The following ATE1 variants were observed in gnomAD, a reference collection of about 807,000 sequenced individuals.
The protein encoded by ATE1 is arginyltransferase 1.
In ATE1, 36 loss-of-function variants were observed where a neutral mutation model predicts 70.5. That is an observed-to-expected ratio of 0.51 (90% CI 0.39 to 0.67). The LOEUF is 0.67. Ranked by LOEUF, ATE1 falls within the 30% of genes least tolerant of loss-of-function variation. The pLI, the probability that ATE1 is intolerant of heterozygous loss-of-function variation, is 0.00. For synonymous variants in ATE1, 232 were observed against 219.3 expected, an observed-to-expected ratio of 1.06 and a Z score of -0.51; for missense variants, 593 against 629.5, an observed-to-expected ratio of 0.94 and a Z score of 0.62.
chr10:121,883,044 A>C (rs1240173662), intron 7 of ATE1, among the ~76,000 whole-genome samples: 2 of 152,318 alleles, frequency 1.3e-5, no homozygotes, highest in East Asian at 3.9e-4. Flanking sequence ...TTATATTCCC[A>C]ACTTACAGAA....
intron 1 of ATE1, chr10:121,927,105 C>G (rs1244370343): frequency 1.0e-6 from 1 of 985,158 alleles, no homozygotes; most frequent in East Asian, 1.1e-4. Context: ...AAATGCATGG[C>G]AAGAGAGGAA....
chr10:121,808,536 C>T (rs7095546), intron 10 of ATE1, among the ~76,000 whole-genome samples: 138,087 of 152,268 alleles, frequency 0.91, 62,815 homozygotes, highest in Middle Eastern at 0.98. Context: ...TCTCAAACTC[C>T]ACTCATATGC....
rs1045895872 is a variant in ATE1 at position 121,903,095 on chromosome 10, T to G, written c.584-475A>C. On this transcript the variant is annotated intron_variant, in intron 5 of 11. Coordinates refer to ENST00000224652, the MANE Select transcript of ATE1 (RefSeq NM_001001976.3). ...TGGCCAGACTGGTCTCAAACTCCCT[T>G]GGACAGACTGGTCTCAAACTCCTGA... Among the ~76,000 whole-genome samples the G allele has an allele frequency of 6.6e-5, 10 of 151,796 alleles. No individual in the cohort carries two copies. The Middle Eastern group carries it at 0.01, about 157-fold the overall frequency.
chr10:121,920,971 G>GCGA, intron 3 of ATE1, among the ~76,000 whole-genome samples: 1 of 151,518 alleles, frequency 6.6e-6, no homozygotes, highest in East Asian at 1.9e-4. Flanking sequence ...TCCAGCCCAG[G>GCGA]CGACAGTGCG....
intron 10 of ATE1, among the ~76,000 whole-genome samples, chr10:121,827,799 C>T (rs954096835): frequency 6.6e-6 from 1 of 152,140 alleles, no homozygotes; most frequent in Non-Finnish European, 1.5e-5. Flanking sequence ...GTAATGACTA[C>T]AGAATATATG....
intron 11 of ATE1, among the ~76,000 whole-genome samples, chr10:121,777,441 G>A (rs1945794178): frequency 6.7e-6 from 1 of 148,832 alleles, no homozygotes; most frequent in Non-Finnish European, 1.5e-5. Flanking sequence ...ATTCCATCAA[G>A]TTCGAATCTC....
chr10:121,890,553 T>C (rs929469438), intron 7 of ATE1, among the ~76,000 whole-genome samples: 1 of 152,214 alleles, frequency 6.6e-6, no homozygotes, highest in Non-Finnish European at 1.5e-5. Context: ...ATAATGTTGA[T>C]AATAAAATTT....
Position 121,907,021 on chromosome 10 carries a change from TTA to T in ATE1, c.583+3883_583+3884del, listed in dbSNP as rs1951223486. On this transcript the variant is annotated intron_variant, in intron 5 of 11. Coordinates refer to ENST00000224652, the MANE Select transcript of ATE1 (RefSeq NM_001001976.3). ...AACCATACTGCTGGAAGTAAGGTTG[TTA>T]TTCTAAAACTGTGTAATGTGGGAAA... Among the ~76,000 whole-genome samples the T allele has an allele frequency of 3.9e-5, 6 of 152,214 alleles. No homozygotes were observed. The South Asian group carries it at 1.2e-3, about 31-fold the overall frequency.
At chr10:121,866,618 C>T (rs1053330271) in intron 8 of ATE1, among the ~76,000 whole-genome samples, 8 of 152,024 alleles carry the variant, frequency 5.3e-5, no homozygotes, top group African/African-American at 1.9e-4. Context: ...GAGGACCAGG[C>T]GGGTGGATCA....
At chr10:121,757,263 T>C (rs540638153) in intron 11 of ATE1, among the ~76,000 whole-genome samples, 12 of 152,324 alleles carry the variant, frequency 7.9e-5, no homozygotes, top group African/African-American at 2.9e-4. Flanking sequence ...CTGGTCCTTA[T>C]TGTCCATATG....
intron 8 of ATE1, among the ~76,000 whole-genome samples, chr10:121,855,464 C>T (rs1590513477): frequency 6.6e-6 from 1 of 152,182 alleles, no homozygotes; most frequent in African/African-American, 2.4e-5. Context: ...AGGAAAACAG[C>T]TCCTGTGAGA....
intron 10 of ATE1, among the ~76,000 whole-genome samples, chr10:121,818,653 C>T (rs927075547): frequency 2.6e-5 from 4 of 152,200 alleles, no homozygotes; most frequent in Non-Finnish European, 4.4e-5. Context: ...ATTCTAAATA[C>T]ACCCCACTGG....
At chr10:121,776,938 A>T (rs1043910690) in intron 11 of ATE1, among the ~76,000 whole-genome samples, 1 of 152,236 alleles carries the variant, frequency 6.6e-6, no homozygotes, top group Admixed American at 6.5e-5. Flanking sequence ...AATTGAGCAC[A>T]GTTATGGAAA....
chr10:121,922,120 T>C (rs574203982), intron 3 of ATE1, among the ~76,000 whole-genome samples: 159 of 152,296 alleles, frequency 1.0e-3, no homozygotes, highest in African/African-American at 3.5e-3. Flanking sequence ...TAAGAGGGTA[T>C]TTTTTTCACA....
intron 7 of ATE1, among the ~76,000 whole-genome samples, chr10:121,877,610 TA>T (rs1377517973): frequency 2.6e-5 from 4 of 152,124 alleles, no homozygotes; most frequent in African/African-American, 9.7e-5. Context: ...GGCAAACTCT[TA>T]AAGACTTAAC....
intron 10 of ATE1, among the ~76,000 whole-genome samples, chr10:121,819,819 AC>A (rs1947720430): frequency 6.6e-6 from 1 of 151,790 alleles, no homozygotes; most frequent in African/African-American, 2.4e-5. Context: ...CCGCCCCCCA[AC>A]AAAAACCTAT....
At chr10:121,839,642 CA>C (rs1416795476) in intron 9 of ATE1, among the ~76,000 whole-genome samples, 16 of 152,128 alleles carry the variant, frequency 1.1e-4, no homozygotes, top group African/African-American at 3.9e-4. Context: ...CTACTTTATA[CA>C]AAAATGTGAT....
chr10:121,927,392 T>A, intron 1 of ATE1: 1 of 984,886 alleles, frequency 1.0e-6, no homozygotes, highest in African/African-American at 1.7e-5. Context: ...TCCTGTACAT[T>A]CGTCCAGGGA....
chr10:121,747,891 C>T (rs7082505), intron 11 of ATE1, among the ~76,000 whole-genome samples: 1,561 of 152,276 alleles, frequency 0.01, 10 homozygotes, highest in African/African-American at 0.027. Context: ...TTCCTGCTGT[C>T]CATTTTGGAT....
Sources: allele counts gnomAD v4.1 joint callset (sites outside exome capture counted in the v4.1 genomes callset), GRCh38; gene constraint gnomAD v4.1.1; transcripts MANE v1.5; gene names NCBI Gene and HGNC (gene_info 2026-07-23, HGNC 2026-07-21).